CDH13: variants seen among roughly 807,000 people sequenced by gnomAD.
CDH13 encodes cadherin-13.
Under a neutral mutation model 63.8 loss-of-function variants are expected in CDH13, and 24 were observed. The observed-to-expected ratio is 0.38, with a 90% confidence interval of 0.27 to 0.53. The LOEUF (loss-of-function observed/expected upper bound fraction) is 0.53, where lower values mean the gene tolerates loss of function less well. Among genes scored for constraint, CDH13 ranks in the 20% least tolerant of loss-of-function variants. The probability of loss-of-function intolerance (pLI) is 0.85; values close to 1 mark genes in which losing one functional copy is unlikely to be tolerated. For synonymous variants in CDH13, 503 were observed against 355.3 expected, an observed-to-expected ratio of 1.42 and a Z score of -4.67; for missense variants, 1,049 against 903.1, an observed-to-expected ratio of 1.16 and a Z score of -2.07.
intron 8 of CDH13, among the ~76,000 whole-genome samples, chr16:83,607,728 A>G (rs1207248530): frequency 6.6e-6 from 1 of 152,220 alleles, no homozygotes; most frequent in Admixed American, 6.5e-5. Context: ...AGAGTTTTCT[A>G]TAAGTTTTCC....
intron 2 of CDH13, among the ~76,000 whole-genome samples, chr16:82,971,072 C>T (rs72790193): frequency 0.13 from 19,187 of 152,174 alleles, 1,450 homozygotes; most frequent in African/African-American, 0.21. Flanking sequence ...AATTTACTTG[C>T]AGAAGAACAA....
chr16:83,232,698 C>T (rs1209641931), intron 5 of CDH13, among the ~76,000 whole-genome samples: 1 of 152,136 alleles, frequency 6.6e-6, no homozygotes, highest in African/African-American at 2.4e-5. Context: ...ATGCCAGCAT[C>T]ATGCTTCCTA....
intron 6 of CDH13, among the ~76,000 whole-genome samples, chr16:83,360,982 G>A (rs1036451106): frequency 6.6e-6 from 1 of 152,090 alleles, no homozygotes; most frequent in African/African-American, 2.4e-5. Context: ...GAATGAGATT[G>A]CTTGTTTTAA....
intron 6 of CDH13, among the ~76,000 whole-genome samples, chr16:83,376,687 G>C (rs1452915984): frequency 3.3e-5 from 5 of 152,196 alleles, no homozygotes; most frequent in Non-Finnish European, 7.4e-5. Flanking sequence ...TCTAGAGAGA[G>C]TTAGGAGGTA....
chr16:83,340,204 G>C (rs1597788124), intron 5 of CDH13, among the ~76,000 whole-genome samples: 1 of 152,210 alleles, frequency 6.6e-6, no homozygotes, highest in Non-Finnish European at 1.5e-5. Flanking sequence ...TTGAAGATTA[G>C]AAGGACATTG....
intron 2 of CDH13, among the ~76,000 whole-genome samples, chr16:82,996,582 CA>C (rs1266824972): frequency 6.6e-6 from 1 of 152,084 alleles, no homozygotes; most frequent in Non-Finnish European, 1.5e-5. Context: ...ATAGCAACAA[CA>C]AAAACGACCT....
At chr16:83,760,833 C>T (rs1913907624) in intron 11 of CDH13, among the ~76,000 whole-genome samples, 1 of 152,196 alleles carries the variant, frequency 6.6e-6, no homozygotes, top group African/African-American at 2.4e-5. Flanking sequence ...TGTAACCATT[C>T]ACATATTCTC....
intron 3 of CDH13, among the ~76,000 whole-genome samples, chr16:83,098,556 G>A (rs72798322): frequency 0.055 from 8,400 of 152,150 alleles, 289 homozygotes; most frequent in Non-Finnish European, 0.072. Context: ...GAATTCCTTC[G>A]CCTTTTGTAT....
intron 4 of CDH13, among the ~76,000 whole-genome samples, chr16:83,212,400 T>A (rs973664693): frequency 2.6e-5 from 4 of 152,124 alleles, no homozygotes; most frequent in Non-Finnish European, 4.4e-5. Context: ...CACTGAGCTT[T>A]CCCCTGAAGA....
At chr16:83,276,817 C>T (rs1479578511) in intron 5 of CDH13, among the ~76,000 whole-genome samples, 6 of 152,054 alleles carry the variant, frequency 3.9e-5, no homozygotes, top group Non-Finnish European at 8.8e-5. Context: ...CCTACAGGAG[C>T]CAAGATCAGG....
rs185788206 is a variant in CDH13, at chr16:83,037,866, C to G, written c.366+5648C>G. Among the ~76,000 whole-genome samples the G allele has an allele frequency of 4.6e-5, 7 of 152,258 alleles. No homozygotes were observed. In the East Asian group the frequency reaches 9.7e-4, roughly 21 times the overall value. ...TCTATCAAATAGGGATAAGAACAGT[C>G]TGTGTCACAGAGTTGTTCTCCTGGG... On this transcript the variant is annotated intron_variant, in intron 3 of 13. Coordinates refer to ENST00000567109, the MANE Select transcript of CDH13 (RefSeq NM_001257.5).
At chr16:83,043,653 G>C (rs954385758) in intron 3 of CDH13, among the ~76,000 whole-genome samples, 1 of 151,894 alleles carries the variant, frequency 6.6e-6, no homozygotes, top group Non-Finnish European at 1.5e-5. Context: ...GAGGCCCGGA[G>C]TTTGAGACCA....
Position 83,627,231 on chromosome 16 carries a change from A to C in CDH13, c.1101+24637A>C, listed in dbSNP as rs559420568. The stretch of plus-strand genomic sequence containing the variant: ...CTTGAACCCAGGAGGCAGAGGTTGC[A>C]GTGAGCCGAGATTGTGCGCCTGCAC... On this transcript the variant is annotated intron_variant, in intron 8 of 13. Transcript: ENST00000567109. 3.3e-5 allele frequency among the ~76,000 whole-genome samples: 5 copies of C among 152,188 alleles called. No homozygotes were observed. In the Middle Eastern group the frequency reaches 0.01, roughly 313 times the overall value.
intron 7 of CDH13, among the ~76,000 whole-genome samples, chr16:83,579,401 C>T (rs1292321202): frequency 1.3e-5 from 2 of 152,010 alleles, no homozygotes; most frequent in Non-Finnish European, 2.9e-5. Context: ...GCTAGGGAGG[C>T]CTCAGGAAAC....
At chr16:83,633,454 C>T (rs1388077994) in intron 8 of CDH13, among the ~76,000 whole-genome samples, 2 of 152,184 alleles carry the variant, frequency 1.3e-5, no homozygotes, top group African/African-American at 4.8e-5. Flanking sequence ...AACTCCTCAC[C>T]GCTTTCTAAC....
At chr16:83,086,096 G>C (rs1257858259) in intron 3 of CDH13, among the ~76,000 whole-genome samples, 1 of 152,180 alleles carries the variant, frequency 6.6e-6, no homozygotes, top group African/African-American at 2.4e-5. Flanking sequence ...ATGATGAAAA[G>C]ATGGTGGCCT....
intron 5 of CDH13, among the ~76,000 whole-genome samples, chr16:83,339,559 C>T (rs2090676343): frequency 6.6e-6 from 1 of 152,124 alleles, no homozygotes; most frequent in East Asian, 1.9e-4. Context: ...TTATTAATAA[C>T]ACAAAAACCA....
At chr16:83,565,383 C>CTTTTTTTTTTTTTTTTTTTTTTT (rs369127310) in intron 7 of CDH13, among the ~76,000 whole-genome samples, 4 of 130,612 alleles carry the variant, frequency 3.1e-5, no homozygotes, top group African/African-American at 5.8e-5. Context: ...TTCCACTGTT[C>CTTTTTTTTTTTTTTTTTTTTTTT]TTTTTTTTTT....
At chr16:83,184,820 G>A (rs111422703) in intron 4 of CDH13, among the ~76,000 whole-genome samples, 1,884 of 152,110 alleles carry the variant, frequency 0.012, 29 homozygotes, top group African/African-American at 0.042. Flanking sequence ...TGATGCTTTC[G>A]TAGCAGTCCC....
Sources: gnomAD v4.1 joint callset for allele counts (sites outside exome capture counted in the v4.1 genomes callset) on GRCh38, gnomAD v4.1.1 for gene constraint, MANE v1.5 for transcripts, NCBI Gene and HGNC (gene_info 2026-07-23, HGNC 2026-07-21) for gene names.